Variants in KLRG1 observed in about 807,000 individuals in gnomAD.
KLRG1 encodes killer cell lectin like receptor G1.
In KLRG1, 16 loss-of-function variants were observed where a neutral mutation model predicts 21.8. The ratio of observed to expected loss-of-function variants is 0.73; its 90% confidence interval spans 0.50 to 1.11. The LOEUF (loss-of-function observed/expected upper bound fraction) is 1.11, where lower values mean the gene tolerates loss of function less well. Among genes scored for constraint, KLRG1 ranks in the 50% most tolerant of loss-of-function variants. KLRG1 has a pLI of 0.00. For synonymous variants in KLRG1, 69 were observed against 75.9 expected (o/e 0.91, Z 0.47); for missense variants, 173 against 218.3 (o/e 0.79, Z 1.31).
At chr12:9,028,654 GGATGGTTTC>G in the KLRG1 span, 1 of 401,990 alleles carries the variant, frequency 2.5e-6, no homozygotes, top group South Asian at 2.0e-5. Flanking sequence ...ATTTTGTCCA[GGATGGTTTC>G]GATCTCTTGA....
the KLRG1 span, among the ~76,000 whole-genome samples, chr12:9,083,604 A>G: frequency 1.3e-5 from 2 of 151,980 alleles, no homozygotes; most frequent in African/African-American, 4.8e-5. Flanking sequence ...CAGGCAGAAG[A>G]GCAGAAAGAC....
chr12:9,105,242 T>C, the KLRG1 span, among the ~76,000 whole-genome samples: 3 of 152,166 alleles, frequency 2.0e-5, no homozygotes, highest in Admixed American at 2.0e-4. Flanking sequence ...GCCAGTGAAA[T>C]GTTGGCTGCA....
chr12:9,093,115 A>G, the KLRG1 span, among the ~76,000 whole-genome samples: 1 of 152,220 alleles, frequency 6.6e-6, no homozygotes, highest in African/African-American at 2.4e-5. Context: ...GAAGCAGGTC[A>G]AAGGGTACAA....
At chr12:9,212,268 G>A in the KLRG1 span, among the ~76,000 whole-genome samples, 2 of 152,170 alleles carry the variant, frequency 1.3e-5, no homozygotes, top group Non-Finnish European at 2.9e-5. Flanking sequence ...GAGAGGGCCT[G>A]GAGCCAGTAT....
At chr12:9,092,410 G>A in the KLRG1 span, among the ~76,000 whole-genome samples, 26 of 147,694 alleles carry the variant, frequency 1.8e-4, no homozygotes, top group Admixed American at 1.3e-3. Context: ...GTGGCTACCC[G>A]CCCCCACCAC....
the KLRG1 span, chr12:9,028,861 T>A: frequency 4.7e-6 from 3 of 642,664 alleles, no homozygotes; most frequent in African/African-American, 3.6e-5. Context: ...CATCCACTTG[T>A]GTGGCCTTGC....
At chr12:9,045,451 TATA>T in the KLRG1 span, among the ~76,000 whole-genome samples, 2 of 152,140 alleles carry the variant, frequency 1.3e-5, no homozygotes, top group African/African-American at 2.4e-5. Context: ...TTACCCAATA[TATA>T]ATAATCTAGA....
At chr12:9,157,304 C>T in the KLRG1 span, 1 of 1,614,058 alleles carries the variant, frequency 6.2e-7, no homozygotes, top group Admixed American at 1.7e-5. Context: ...CCCTCCTTTG[C>T]TACATTCCAG....
chr12:9,111,648 A>C, the KLRG1 span: 1 of 408,964 alleles, frequency 2.4e-6, no homozygotes, highest in East Asian at 7.1e-5. Flanking sequence ...TTGAGATAAG[A>C]AAATGTGAAG....
chr12:9,083,545 A>G, the KLRG1 span, among the ~76,000 whole-genome samples: 1 of 152,046 alleles, frequency 6.6e-6, no homozygotes, highest in African/African-American at 2.4e-5. Context: ...AGCAGACTTG[A>G]TCAAGCAGAA....
Position 8,992,129 on chromosome 12 carries a change from G to A in KLRG1, c.83-77G>A, listed in dbSNP as rs756143895. On this transcript the variant is annotated intron_variant, in intron 1 of 4. Transcript: ENST00000356986. ...ACTAGGCCAAATTGCTTTAAGATGC[G>A]ATATCCTTCCCTGACTTTCTCTTTT... 84 of 1,249,152 alleles carry A rather than the reference G, an allele frequency of 6.7e-5. No homozygotes were observed. The South Asian group carries it at 8.9e-4, about 13-fold the overall frequency. 77.4% of individuals were successfully genotyped at this position (1,249,152 alleles called of 1,614,324 possible). A position where few individuals can be genotyped will look rare whatever the true frequency, so the allele number is the denominator to read the frequency against.
the KLRG1 span, chr12:9,068,811 G>A: frequency 6.8e-6 from 11 of 1,606,802 alleles, no homozygotes; most frequent in East Asian, 2.2e-5. Context: ...TTGCAGAACC[G>A]TGAAGAACAA....
the KLRG1 span, among the ~76,000 whole-genome samples, chr12:9,179,830 T>G: frequency 6.6e-6 from 1 of 152,222 alleles, no homozygotes. Flanking sequence ...TGTAAGACAT[T>G]AATAACTGAG....
chr12:9,065,151 T>TCCCCCCCCCCCCCCCCCC, the KLRG1 span: 27 of 52,662 alleles, frequency 5.1e-4, no homozygotes, highest in Admixed American at 8.7e-4. Context: ...ATTCCCTTCC[T>TCCCCCCCCCCCCCCCCCC]CCCCCCCCCC....
At chr12:9,165,429 G>T in the KLRG1 span, 2 of 1,571,200 alleles carry the variant, frequency 1.3e-6, no homozygotes, top group Non-Finnish European at 8.7e-7. Context: ...TCTCAAGTGA[G>T]AATTAATATG....
At chr12:9,091,809 G>T in the KLRG1 span, among the ~76,000 whole-genome samples, 2 of 152,222 alleles carry the variant, frequency 1.3e-5, no homozygotes, top group Non-Finnish European at 2.9e-5. Flanking sequence ...TTGCTAACCA[G>T]TGAGGGATCT....
the KLRG1 span, chr12:9,194,018 AAT>A: frequency 6.9e-5 from 102 of 1,474,218 alleles, 1 homozygote; most frequent in African/African-American, 1.0e-3. Context: ...ATTTCTTCTG[AAT>A]ATATCACTGT....
chr12:8,958,379 A>G (rs76221110), intron 1 of KLRG1, among the ~76,000 whole-genome samples: 2,683 of 152,298 alleles, frequency 0.018, 74 homozygotes, highest in African/African-American at 0.06. Flanking sequence ...TTCTGGACTT[A>G]ATTCTGTTTA....
chr12:9,052,994 G>C, the KLRG1 span, among the ~76,000 whole-genome samples: 1 of 152,148 alleles, frequency 6.6e-6, no homozygotes, highest in Admixed American at 6.5e-5. Context: ...CAATAAGATT[G>C]TTCCTGTTCA....
Sources: gnomAD v4.1 joint callset for allele counts (sites outside exome capture counted in the v4.1 genomes callset) on GRCh38, gnomAD v4.1.1 for gene constraint, MANE v1.5 for transcripts, NCBI Gene and HGNC (gene_info 2026-07-23, HGNC 2026-07-21) for gene names.